The following CARMIL1 variants were observed in gnomAD, a reference collection of about 807,000 sequenced individuals.
The protein encoded by CARMIL1 is capping protein regulator and myosin 1 linker 1.
CARMIL1 carries 90 observed loss-of-function variants against 177.1 expected under a neutral mutation model. That is an observed-to-expected ratio of 0.51 (90% CI 0.43 to 0.61). The LOEUF (loss-of-function observed/expected upper bound fraction) is 0.61. Among genes scored for constraint, CARMIL1 ranks in the 20% least tolerant of loss-of-function variants. The pLI, the probability that CARMIL1 is intolerant of heterozygous loss-of-function variation, is 0.00. For synonymous variants in CARMIL1, 577 were observed against 606.2 expected (o/e 0.95, Z 0.71); for missense variants, 1,380 against 1,667.0 (o/e 0.83, Z 3.00).
intron 29 of CARMIL1, chr6:25,563,638 A>AT (rs937042275): frequency 1.4e-5 from 14 of 985,218 alleles, no homozygotes; most frequent in African/African-American, 5.2e-5. Context: ...ATGGCCATTC[A>AT]TTTTTTCAAC....
chr6:25,509,468 A>C lies in CARMIL1; in HGVS notation c.1396-188A>C, dbSNP rs1171437179. Among the ~76,000 whole-genome samples the C allele has an allele frequency of 1.3e-5, 2 of 152,186 alleles. No homozygotes were observed. Among genetic ancestry groups the C allele is most frequent in the Admixed American group, 6.5e-5 (1 of 15,280 alleles). The stretch of plus-strand genomic sequence containing the variant: ...TAATGTGGGATCACATGGCATAGGA[A>C]ACAGCAGCAATGGCTAGTGATAGGC... On this transcript the variant is annotated intron_variant, in intron 17 of 36. Coordinates refer to ENST00000329474, the MANE Select transcript of CARMIL1 (RefSeq NM_017640.6). This position sits in a 1 kb window ranked among gnomAD's most constrained non-coding sequence, Gnocchi z 4.1.
At chr6:25,342,328 A>AG (rs1787031348) in intron 2 of CARMIL1, among the ~76,000 whole-genome samples, 1 of 152,174 alleles carries the variant, frequency 6.6e-6, no homozygotes, top group Non-Finnish European at 1.5e-5. Flanking sequence ...GACTTTCCCT[A>AG]AGCCACTGAG....
At chr6:25,439,400 TTGATAACA>T in intron 5 of CARMIL1, among the ~76,000 whole-genome samples, 1 of 152,194 alleles carries the variant, frequency 6.6e-6, no homozygotes, top group African/African-American at 2.4e-5. Flanking sequence ...TGCATGGCTG[TTGATAACA>T]TCACCTGGAG....
chr6:25,615,961 G>A (rs112877415), intron 36 of CARMIL1, among the ~76,000 whole-genome samples: 1,799 of 152,188 alleles, frequency 0.012, 27 homozygotes, highest in African/African-American at 0.039. Flanking sequence ...CAGATATCAC[G>A]TTCGAGCCTC....
rs1415462444 is a variant in CARMIL1, at chr6:25,284,792, T to TA, written c.41-18dup. On this transcript the variant is annotated intron_variant, in intron 1 of 36. Coordinates refer to ENST00000329474, the MANE Select transcript of CARMIL1 (RefSeq NM_017640.6). The stretch of plus-strand genomic sequence containing the variant: ...AGTGCTTTTTTTCTTATTAATAACA[T>TA]AATTCCTTTTTTTTTTCAGAAAGCA... 1 of 1,365,352 alleles carries TA rather than the reference T, an allele frequency of 7.3e-7. No homozygotes were observed. The highest frequency in any genetic ancestry group is 1.5e-5 in the African/African-American group (1 of 68,530). The allele number at this position is 1,365,352 out of a possible 1,614,324, so 84.6% of individuals were successfully genotyped here. A position where few individuals can be genotyped will look rare whatever the true frequency, so the allele number is the denominator to read the frequency against.
intron 33 of CARMIL1, 139 bp from the exon 34 acceptor site, chr6:25,604,673 G>C (rs983854866): frequency 3.0e-6 from 2 of 663,378 alleles, no homozygotes; most frequent in Admixed American, 5.1e-5. Flanking sequence ...AGCCTATGGA[G>C]ACAGGTCAGG....
At chr6:25,452,480 G>A (rs1030042380) in intron 8 of CARMIL1, 2 of 373,972 alleles carry the variant, frequency 5.3e-6, no homozygotes, top group Non-Finnish European at 9.5e-6. Flanking sequence ...AAAAATGATC[G>A]ATCTTTGGTT....
chr6:25,380,939 C>A (rs957791440), intron 2 of CARMIL1, among the ~76,000 whole-genome samples: 1 of 152,138 alleles, frequency 6.6e-6, no homozygotes, highest in Non-Finnish European at 1.5e-5. Context: ...GTACACCTAT[C>A]TTTTTTTCTC....
intron 2 of CARMIL1, among the ~76,000 whole-genome samples, chr6:25,357,009 C>CT (rs1199787800): frequency 6.6e-6 from 1 of 150,748 alleles, no homozygotes; most frequent in African/African-American, 2.4e-5. Flanking sequence ...AGAATGGCTA[C>CT]TTTTAGTGGG....
intron 21 of CARMIL1, among the ~76,000 whole-genome samples, chr6:25,516,482 A>C (rs1478360244): frequency 6.6e-6 from 1 of 152,162 alleles, no homozygotes; most frequent in Non-Finnish European, 1.5e-5. Flanking sequence ...ATTGCTCCTC[A>C]AGGGCTCTTT....
intron 5 of CARMIL1, among the ~76,000 whole-genome samples, chr6:25,449,385 G>C (rs1246157768): frequency 6.6e-6 from 1 of 152,174 alleles, no homozygotes; most frequent in East Asian, 1.9e-4. Flanking sequence ...CTGAGGAGGA[G>C]GATGGGGGGT....
intron 33 of CARMIL1, among the ~76,000 whole-genome samples, chr6:25,603,530 A>G (rs1815637709): frequency 6.6e-6 from 1 of 152,140 alleles, no homozygotes; most frequent in Non-Finnish European, 1.5e-5. Context: ...TCTCACCTGC[A>G]TTTCAAATAA....
In CARMIL1 at chr6:25,496,905, G is replaced by A. The variant is rs552831500; in HGVS notation, c.1325+1690G>A. Among the ~76,000 whole-genome samples, 21 of 152,188 alleles carry A rather than the reference G, an allele frequency of 1.4e-4. No individual in the cohort carries two copies. The South Asian group carries it at 1.9e-3, about 14-fold the overall frequency. On this transcript the variant is annotated intron_variant, in intron 16 of 36. Transcript: ENST00000329474. ...TGTTGGTTAATGTGACTGATTTTGC[G>A]GAATATTCCAGTTTGCAACAAGGCT...
intron 8 of CARMIL1, among the ~76,000 whole-genome samples, chr6:25,463,555 A>G (rs952327445): frequency 2.0e-5 from 3 of 152,194 alleles, no homozygotes; most frequent in African/African-American, 7.2e-5. Flanking sequence ...GTGGTTCTGA[A>G]GTGTGGTCAC....
chr6:25,415,537 G>A (rs1045177684), intron 2 of CARMIL1, among the ~76,000 whole-genome samples: 1 of 149,980 alleles, frequency 6.7e-6, no homozygotes, highest in Non-Finnish European at 1.5e-5. Context: ...GTCAAAGGAT[G>A]GAATGGCTGG....
intron 8 of CARMIL1, among the ~76,000 whole-genome samples, chr6:25,450,938 T>TCTCCTCTCCC (rs1798810046): frequency 6.6e-5 from 1 of 15,080 alleles, no homozygotes; most frequent in African/African-American, 2.2e-4. Context: ...TCTCCTCTCC[T>TCTCCTCTCCC]CTCCTCTCCT....
intron 2 of CARMIL1, among the ~76,000 whole-genome samples, chr6:25,337,615 A>G (rs1786400037): frequency 6.6e-6 from 1 of 152,218 alleles, no homozygotes; most frequent in Non-Finnish European, 1.5e-5. Context: ...GAAAGGTGCT[A>G]TAGAGAAAAC....
Position 25,472,505 on chromosome 6 carries a change from C to T in CARMIL1, c.858C>T (p.Asn286=), listed in dbSNP as rs749748281. 6.3e-7 allele frequency: 1 copy of T among 1,577,262 alleles called. No homozygotes were observed. Among genetic ancestry groups the T allele is most frequent in the East Asian group, 2.3e-5 (1 of 43,322 alleles). ...SGLHTINLAG[N]PLEDRGVSSL... ...TCCACACAATTAACCTTGCTGGCAA[C>T]CCACTGGAGGATAGAGGTACTGCAG... is the stretch of plus-strand genomic sequence containing the variant. The change falls in exon 11 of 37, where the codon AAC becomes AAT. Residue 286 remains asparagine (N), a synonymous_variant. Transcript: ENST00000329474.
chr6:25,356,686 C>CT (rs1422852197), intron 2 of CARMIL1, among the ~76,000 whole-genome samples: 3 of 151,684 alleles, frequency 2.0e-5, no homozygotes, highest in African/African-American at 7.3e-5. Flanking sequence ...CAGCCAAGTT[C>CT]TTATCTTGGG....
Sources: allele counts gnomAD v4.1 joint callset (sites outside exome capture counted in the v4.1 genomes callset), GRCh38; gene constraint gnomAD v4.1.1; non-coding constraint Gnocchi (gnomAD v3.1); transcripts MANE v1.5; gene names NCBI Gene and HGNC (gene_info 2026-07-23, HGNC 2026-07-21).